The following NLRP3 variants were observed in gnomAD, a reference collection of about 807,000 sequenced individuals.
The protein encoded by NLRP3 is NACHT, LRR and PYD domains-containing protein 3.
A neutral mutation model predicts 91.3 loss-of-function variants in NLRP3; 48 were observed. The observed-to-expected ratio is 0.53, with a 90% confidence interval of 0.42 to 0.67. The LOEUF is 0.67. NLRP3 is among the 30% of genes least tolerant of loss of function. The pLI, the probability that NLRP3 is intolerant of heterozygous loss-of-function variation, is 0.00. For synonymous variants in NLRP3, 561 were observed against 507.9 expected (o/e 1.10, Z -1.41); for missense variants, 982 against 1,276.9 (o/e 0.77, Z 3.52).
At position 247,424,832 on chromosome 1, in the gene NLRP3, C is replaced by T. The variant is rs104895398; in HGVS notation, c.1383C>T (p.Cys461=). ...GAGGGAGCCAGGAGCACGGCCTCTGCGCCCACCTCTGGGGGCTCTGCTCTT... is the reference window on the plus strand; with the variant it reads ...GAGGGAGCCAGGAGCACGGCCTCTGTGCCCACCTCTGGGGGCTCTGCTCTT... ...PRGGSQEHGL[C]AHLWGLCSLA... The change falls in exon 4 of 10, where the codon TGC becomes TGT. Residue 461 remains cysteine (C), a synonymous_variant. Transcript: ENST00000336119. The surrounding 1 kb of genome is among the most constrained non-coding windows in gnomAD (Gnocchi z 8.1). 1.8e-4 allele frequency: 292 copies of T among 1,607,918 alleles called. No individual in the cohort carries two copies. The highest frequency in any genetic ancestry group is 2.9e-4 in the African/African-American group (22 of 75,034).
At chr1:247,445,725 A>G (rs529299390) in intron 9 of NLRP3, among the ~76,000 whole-genome samples, 40 of 152,294 alleles carry the variant, frequency 2.6e-4, no homozygotes, top group African/African-American at 9.1e-4. Flanking sequence ...TTTAAGGCCA[A>G]CATGCTCTCC....
At chr1:247,435,944 C>G in intron 6 of NLRP3, 26 bp from the exon 7 acceptor site, 1 of 1,612,176 alleles carries the variant, frequency 6.2e-7, no homozygotes. Context: ...AGAGACATGA[C>G]TGACATTCTG....
rs1558185400 is a variant in NLRP3, at chr1:247,418,927, C to T, written c.127C>T (p.Gln43Ter). ...GGGCTGCATCCCCCTCCCGAGGGGT[C>T]AGACAGAGAAGGCAGACCATGTGGA... Reference protein sequence around the residue: ...QKGCIPLPRGQTEKADHVDLA... With the variant: ...QKGCIPLPRG Residue 43 changes from glutamine to a stop codon, truncating the protein, a stop_gained, in exon 2 of 10, where the codon CAG (glutamine) becomes TAG (stop). Transcript: ENST00000336119. LOFTEE classifies it high-confidence loss of function. 6.2e-7 allele frequency: 1 copy of T among 1,614,070 alleles called. No individual in the cohort carries two copies. The highest frequency in any genetic ancestry group is 8.5e-7 in the Non-Finnish European group (1 of 1,180,016).
intron 5 of NLRP3, among the ~76,000 whole-genome samples, 200 bp downstream of exon 5, chr1:247,429,955 A>G (rs1472000324): frequency 3.3e-5 from 5 of 152,064 alleles, no homozygotes; most frequent in African/African-American, 1.2e-4. Flanking sequence ...GCTCACTGCA[A>G]TCTCTGCCTC....
Position 247,448,624 on chromosome 1 carries a change from A to G in NLRP3, c.*120A>G. On this transcript the variant is annotated 3_prime_UTR_variant, in exon 10 of 10. Transcript: ENST00000336119. ...CACAGCTCTGTGATCCTTCCGGTGG[A>G]GTGTCGGAGAAGAGAGCTTGCCGAC... The G allele has an allele frequency of 1.3e-6, 1 of 742,430 alleles. No homozygotes were observed. Among genetic ancestry groups the G allele is most frequent in the Non-Finnish European group, 2.5e-6 (1 of 403,522 alleles). The allele number at this position is 742,430 out of a possible 1,614,324, so 46.0% of individuals were successfully genotyped here.
chr1:247,421,183 G>A (rs1425330681), intron 2 of NLRP3, among the ~76,000 whole-genome samples: 1 of 152,214 alleles, frequency 6.6e-6, no homozygotes, highest in Non-Finnish European at 1.5e-5. Flanking sequence ...GAAGGGCAGG[G>A]TATTGCAGGA....
intron 7 of NLRP3, among the ~76,000 whole-genome samples, chr1:247,442,925 T>A (rs1232974319): frequency 6.6e-6 from 1 of 152,068 alleles, no homozygotes; most frequent in Non-Finnish European, 1.5e-5. Context: ...CCTGGCTTTT[T>A]CTATTTATTT....
In NLRP3 at chr1:247,433,928, T is replaced by C. The variant is rs200025791; in HGVS notation, c.2322-175T>C. Among the ~76,000 whole-genome samples, 159 of 118,118 alleles carry C rather than the reference T, an allele frequency of 1.3e-3. 2 individuals carry two copies. Among genetic ancestry groups the C allele is most frequent in the Middle Eastern group, 4.7e-3 (1 of 214 alleles). The allele number at this position is 118,118 out of a possible 152,430, so 77.5% of individuals were successfully genotyped here. A position where few individuals can be genotyped will look rare whatever the true frequency, so the allele number is the denominator to read the frequency against. ...TGATGCTTTCTCTATTCCGGAGCTC[T>C]CTGGTCAGGTGTGTTCTGATGCTTT... On this transcript the variant is annotated intron_variant, in intron 5 of 9. Coordinates refer to ENST00000336119, the MANE Select transcript of NLRP3 (RefSeq NM_001243133.2).
chr1:247,422,436 C>G (rs1662532994), intron 2 of NLRP3, among the ~76,000 whole-genome samples: 1 of 151,536 alleles, frequency 6.6e-6, no homozygotes, highest in African/African-American at 2.4e-5. Flanking sequence ...CTGAAGTTAT[C>G]TGTCTTATAT....
intron 6 of NLRP3, 127 bp from the exon 7 acceptor site, chr1:247,435,843 A>C: frequency 1.2e-5 from 10 of 854,620 alleles, no homozygotes; most frequent in Non-Finnish European, 1.8e-5. Flanking sequence ...AAGTGTACAT[A>C]GAGCTTGTGT....
At chr1:247,423,397 A>G in intron 3 of NLRP3, 48 bp downstream of exon 3, 1 of 1,611,854 alleles carries the variant, frequency 6.2e-7, no homozygotes, top group Non-Finnish European at 8.5e-7. Flanking sequence ...GACCTGGTTC[A>G]GGAGGCTCTG....
At chr1:247,439,682 TC>T (rs1664068455) in intron 7 of NLRP3, among the ~76,000 whole-genome samples, 1 of 152,210 alleles carries the variant, frequency 6.6e-6, no homozygotes, top group Non-Finnish European at 1.5e-5. Context: ...AACAATTCAA[TC>T]CATAACACCC....
chr1:247,437,309 T>C (rs1222538819), intron 7 of NLRP3, among the ~76,000 whole-genome samples: 1 of 152,230 alleles, frequency 6.6e-6, no homozygotes, highest in Non-Finnish European at 1.5e-5. Context: ...TTAATATATA[T>C]ACCAGCCAGA....
chr1:247,441,072 CCT>C (rs1236876397), intron 7 of NLRP3, among the ~76,000 whole-genome samples: 1 of 13,470 alleles, frequency 7.4e-5, no homozygotes, highest in East Asian at 1.4e-3. Flanking sequence ...TCTTCAGATT[CCT>C]TCCTTCCTTC....
Position 247,425,615 on chromosome 1 carries a change from T to C in NLRP3, c.2150+16T>C, listed in dbSNP as rs368389907. On this transcript the variant is annotated intron_variant, in intron 4 of 9. Coordinates refer to ENST00000336119, the MANE Select transcript of NLRP3 (RefSeq NM_001243133.2). This position sits in a 1 kb window ranked among gnomAD's most constrained non-coding sequence, Gnocchi z 4.1. Reference sequence around the variant, plus strand: ...GTTCTCATGGGTAAGGAAACTCGGCTTCCAGGTGCTTCCTCCTGCTTCCTC... The same window carrying C: ...GTTCTCATGGGTAAGGAAACTCGGCCTCCAGGTGCTTCCTCCTGCTTCCTC... The C allele has an allele frequency of 1.1e-5, 17 of 1,600,596 alleles. No homozygotes were observed. The African/African-American group carries it at 1.9e-4, about 18-fold the overall frequency.
At chr1:247,435,836 T>C in intron 6 of NLRP3, 134 bp from the exon 7 acceptor site, 1 of 805,756 alleles carries the variant, frequency 1.2e-6, no homozygotes, top group Non-Finnish European at 2.1e-6. Context: ...AAATCAGAAG[T>C]GTACATAGAG....
rs41311573 is a variant in NLRP3, at chr1:247,424,469, C to G, written c.1020C>G (p.Pro340=). The change falls in exon 4 of 10, where the codon CCC becomes CCG. Residue 340 remains proline, a synonymous_variant. Transcript: ENST00000336119. The surrounding 1 kb of genome is among the most constrained non-coding windows in gnomAD (Gnocchi z 8.1). ...LSSLIRKKLL[P]EASLLITTRP... is the part of the protein sequence containing the mutation. ...GCCTCATCAGAAAGAAGCTGCTTCCCGAGGCCTCTCTGCTCATCACCACGA... is the reference window on the plus strand; with the variant it reads ...GCCTCATCAGAAAGAAGCTGCTTCCGGAGGCCTCTCTGCTCATCACCACGA... The G allele has an allele frequency of 6.2e-7, 1 of 1,614,172 alleles. No individual in the cohort carries two copies. The highest frequency in any genetic ancestry group is 2.2e-5 in the East Asian group (1 of 44,880).
chr1:247,434,713 C>A (rs560073067), intron 6 of NLRP3, among the ~76,000 whole-genome samples: 46 of 152,192 alleles, frequency 3.0e-4, no homozygotes, highest in African/African-American at 1.1e-3. Flanking sequence ...AGAGAAAAAA[C>A]CACTTAAAAA....
chr1:247,429,819 G>T, intron 5 of NLRP3, 64 bp downstream of exon 5: 1 of 1,577,480 alleles, frequency 6.3e-7, no homozygotes, highest in Non-Finnish European at 8.7e-7. Flanking sequence ...GAGAGAAACA[G>T]ACTGGAGAAA....
Sources: gnomAD v4.1 joint callset for allele counts (sites outside exome capture counted in the v4.1 genomes callset) on GRCh38, gnomAD v4.1.1 for gene constraint, Gnocchi (gnomAD v3.1) non-coding constraint, MANE v1.5 for transcripts, NCBI Gene and HGNC (gene_info 2026-07-23, HGNC 2026-07-21) for gene names.